Variants in SECISBP2 observed in about 807,000 individuals in gnomAD.
SECISBP2 encodes the protein SECIS binding protein 2.
Under a neutral mutation model 98.2 loss-of-function variants are expected in SECISBP2, and 96 were observed. The observed-to-expected ratio is 0.98, with a 90% CI of 0.83 to 1.16. The LOEUF is 1.16. Ranked by LOEUF, SECISBP2 falls within the 50% of genes most tolerant of loss-of-function variation. SECISBP2 has a pLI of 0.00. For synonymous variants in SECISBP2, 407 were observed against 370.2 expected (o/e 1.10, Z -1.14); for missense variants, 1,046 against 1,022.9 (o/e 1.02, Z -0.31).
chr9:89,355,287 A>G (rs1321888879), intron 14 of SECISBP2: 2 of 985,314 alleles, frequency 2.0e-6, no homozygotes, highest in Non-Finnish European at 1.2e-6. Flanking sequence ...CCTGTAGGCC[A>G]GATGCCTGGC....
intron 6 of SECISBP2, 111 bp downstream of exon 6, chr9:89,333,097 A>T: frequency 1.1e-6 from 1 of 900,876 alleles, no homozygotes; most frequent in Non-Finnish European, 1.8e-6. Flanking sequence ...TAAGACAGCT[A>T]ATGAATTGTG....
chr9:89,352,568 G>A (rs1384237541), intron 14 of SECISBP2, among the ~76,000 whole-genome samples: 1 of 152,188 alleles, frequency 6.6e-6, no homozygotes, highest in African/African-American at 2.4e-5. Flanking sequence ...ATGTGGGACA[G>A]TTTGCATCCA....
rs777997713 is a variant in SECISBP2, at chr9:89,350,809, A to G, written c.2070A>G (p.Lys690=). Residue 690 remains lysine (K), a synonymous_variant, in exon 14 of 17, where the codon AAA becomes AAG. Transcript: ENST00000375807. ...VLKHLKLKKL[K]CVIISPNCEK... is the part of the protein sequence containing the mutation. ...AACACCTGAAGCTCAAAAAACTGAA[A>G]TGTGTCATTATTTCTCCCAACTGTG... 9 of 1,614,090 alleles carry G rather than the reference A, an allele frequency of 5.6e-6. No homozygotes were observed. In the African/African-American group the frequency reaches 6.7e-5, roughly 12 times the overall value.
intron 13 of SECISBP2, among the ~76,000 whole-genome samples, chr9:89,350,305 TTTC>T (rs1352706512): frequency 6.6e-6 from 1 of 152,202 alleles, no homozygotes; most frequent in Admixed American, 6.5e-5. Context: ...CCTGCCCACT[TTTC>T]TTCCAGGATA....
Position 89,325,605 on chromosome 9 carries a change from G to C in SECISBP2, c.361G>C (p.Gly121Arg). 6.2e-7 allele frequency: 1 copy of C among 1,614,064 alleles called. No individual in the cohort carries two copies. Among genetic ancestry groups the C allele is most frequent in the Non-Finnish European group, 8.5e-7 (1 of 1,180,000 alleles). ...TTATAACCAACCCAGTTGTTACCGA[G>C]GTTTTCAAACAGTGAAGCATCGAAA... ...YLYNQPSCYR[G>R]FQTVKHRNEN... is the part of the protein sequence containing the mutation. The change falls in exon 3 of 17, where the codon GGT becomes CGT. Residue 121 changes from glycine (G) to arginine (R), a missense_variant. Transcript: ENST00000375807.
chr9:89,342,954 T>C (rs1381519441), intron 10 of SECISBP2, among the ~76,000 whole-genome samples: 1 of 152,270 alleles, frequency 6.6e-6, no homozygotes, highest in Non-Finnish European at 1.5e-5. Context: ...TTTTAAGTTA[T>C]TAAAATAGGA....
chr9:89,330,837 A>T (rs1245461493), intron 5 of SECISBP2, among the ~76,000 whole-genome samples: 1 of 152,192 alleles, frequency 6.6e-6, no homozygotes, highest in African/African-American at 2.4e-5. Flanking sequence ...ATGCTGTGTA[A>T]GCCTCAGGGT....
At chr9:89,363,663 G>A (rs1833111648), downstream of SECISBP2, 1 of 1,592,848 alleles carries the variant, frequency 6.3e-7, no homozygotes, top group African/African-American at 1.3e-5. Context: ...ATGCTTTCCA[G>A]CTGTTTTTTT....
intron 1 of SECISBP2, chr9:89,319,007 A>G (rs1284698574): frequency 5.7e-6 from 6 of 1,046,258 alleles, no homozygotes; most frequent in Non-Finnish European, 6.9e-6. Flanking sequence ...CAGCATTACC[A>G]CTAGATGGAG....
intron 2 of SECISBP2, chr9:89,325,204 C>T (rs1037228771): frequency 5.3e-5 from 29 of 548,466 alleles, no homozygotes; most frequent in South Asian, 2.9e-4. Context: ...ATGTTTCTTA[C>T]GGACTTCCAG....
Position 89,341,462 on chromosome 9 carries a change from A to G in SECISBP2, c.1418A>G (p.Lys473Arg), listed in dbSNP as rs1174335643. The G allele has an allele frequency of 1.9e-6, 3 of 1,614,172 alleles. No homozygotes were observed. The highest frequency in any genetic ancestry group is 1.7e-6 in the Non-Finnish European group (2 of 1,180,014). ...TCTCAGCATGCAAAGCAGTCCTCCA[A>G]ACCAGTGGTAGTCTCAGGTAAGAGA... ...QHSQHAKQSS[K>R]PVVVSVGAVP... The change falls in exon 10 of 17, where the codon AAA becomes AGA. Residue 473 changes from lysine (K) to arginine (R), a missense_variant. Coordinates refer to ENST00000375807, the MANE Select transcript of SECISBP2 (RefSeq NM_024077.5).
chr9:89,365,088 CAA>C, the SECISBP2 span: 1 of 152,310 alleles, frequency 6.6e-6, no homozygotes, highest in Non-Finnish European at 1.5e-5. Context: ...GAAGGAAAAA[CAA>C]GCACATCCAT....
rs141922771 is a variant in SECISBP2, at chr9:89,334,021, A to G, written c.881-501A>G. ...ATAGATGTCTTTGTTTTGTCTGTAT[A>G]TAGAGTTTCATGGGCACCTAAAGGA... On this transcript the variant is annotated intron_variant, in intron 6 of 16. Coordinates refer to ENST00000375807, the MANE Select transcript of SECISBP2 (RefSeq NM_024077.5). 1.1e-4 allele frequency: 119 copies of G among 1,057,098 alleles called. 1 individual carries two copies. The East Asian group carries it at 4.3e-3, about 38-fold the overall frequency. 65.5% of individuals were successfully genotyped at this position (1,057,098 alleles called of 1,614,324 possible).
chr9:89,357,922 G>A (rs546744075), intron 15 of SECISBP2, 77 bp from the exon 16 acceptor site: 1 of 1,452,750 alleles, frequency 6.9e-7, no homozygotes, highest in East Asian at 2.3e-5. Context: ...CTCTGTGGAG[G>A]TGGCCATTGC....
chr9:89,351,912 A>G (rs1347590536), intron 14 of SECISBP2, among the ~76,000 whole-genome samples: 2 of 152,266 alleles, frequency 1.3e-5, no homozygotes, highest in East Asian at 1.9e-4. Context: ...TAAAGGGTCA[A>G]GTAGTCCTAT....
intron 14 of SECISBP2, among the ~76,000 whole-genome samples, chr9:89,353,287 G>A (rs948029774): frequency 2.0e-5 from 3 of 152,214 alleles, no homozygotes; most frequent in Non-Finnish European, 4.4e-5. Flanking sequence ...TGGTTGGGCT[G>A]CTTCCATGTT....
In SECISBP2 at chr9:89,329,679, G is replaced by C. The variant is rs570284384; in HGVS notation, c.801+793G>C. Reference sequence around the variant, plus strand: ...GGGTTTCACCATATTGGTCTGGCTGGTCTCCAACTCCTGACTTCAGGTGAT... The same window carrying C: ...GGGTTTCACCATATTGGTCTGGCTGCTCTCCAACTCCTGACTTCAGGTGAT... On this transcript the variant is annotated intron_variant, in intron 5 of 16. Transcript: ENST00000375807. The C allele has an allele frequency of 3.3e-5, 5 of 152,014 alleles. No homozygotes were observed. In the East Asian group the frequency reaches 9.7e-4, roughly 29 times the overall value. The allele number at this position is 152,014 out of a possible 1,614,324, so 9.4% of individuals were successfully genotyped here.
intron 5 of SECISBP2, chr9:89,329,979 A>G (rs1453977004): frequency 6.6e-6 from 1 of 152,238 alleles, no homozygotes; most frequent in African/African-American, 2.4e-5. Flanking sequence ...TGGAAACTGC[A>G]ACTTTAAATG....
chr9:89,355,473 T>A, intron 14 of SECISBP2: 13 of 957,038 alleles, frequency 1.4e-5, no homozygotes, highest in Non-Finnish European at 1.6e-5. Context: ...TGTTCATATT[T>A]GTTGCCCATT....
Sources: gnomAD v4.1 joint callset for allele counts (sites outside exome capture counted in the v4.1 genomes callset) on GRCh38, gnomAD v4.1.1 for gene constraint, MANE v1.5 for transcripts, NCBI Gene and HGNC (gene_info 2026-07-23, HGNC 2026-07-21) for gene names.